FGF12: variants seen among roughly 807,000 people sequenced by gnomAD.
The protein encoded by FGF12 is fibroblast growth factor 12, also known as fibroblast growth factor 12B.
In FGF12, 14 loss-of-function variants were observed where a neutral mutation model predicts 23.6. The observed-to-expected ratio is 0.59, with a 90% confidence interval of 0.39 to 0.93. The LOEUF is 0.93. FGF12 is among the 40% of genes least tolerant of loss of function. The pLI is 0.00. For missense variants in FGF12, 175 were observed against 217.8 expected (o/e 0.80, Z 1.24); for synonymous variants, 62 against 77.3 (o/e 0.80, Z 1.04).
chr3:192,631,648 A>G (rs1715395360), intron 2 of FGF12, among the ~76,000 whole-genome samples: 1 of 152,140 alleles, frequency 6.6e-6, no homozygotes, highest in South Asian at 2.1e-4. Context: ...CTGTGATTTA[A>G]CTTCCTCTCT....
chr3:192,333,104 GA>G (rs1446598873), intron 4 of FGF12, among the ~76,000 whole-genome samples: 2 of 152,054 alleles, frequency 1.3e-5, no homozygotes, highest in Non-Finnish European at 2.9e-5. Flanking sequence ...AAGAAGGACA[GA>G]AGGAATGCAT....
At chr3:192,652,860 C>T (rs984075836) in intron 2 of FGF12, among the ~76,000 whole-genome samples, 1 of 152,144 alleles carries the variant, frequency 6.6e-6, no homozygotes, top group African/African-American at 2.4e-5. Context: ...TTTGTATGCT[C>T]ATGTAAGAGA....
At chr3:192,501,288 T>C (rs1480206826) in intron 2 of FGF12, among the ~76,000 whole-genome samples, 1 of 152,182 alleles carries the variant, frequency 6.6e-6, no homozygotes, top group African/African-American at 2.4e-5. Flanking sequence ...CTTCTTCATT[T>C]AAAAAAACTT....
intron 4 of FGF12, among the ~76,000 whole-genome samples, chr3:192,298,571 G>T (rs1460180104): frequency 1.3e-5 from 2 of 152,106 alleles, no homozygotes; most frequent in African/African-American, 4.8e-5. Flanking sequence ...GGGCCAAAAT[G>T]GTGAAACTCC....
At chr3:192,358,578 A>C (rs1355492656) in intron 3 of FGF12, among the ~76,000 whole-genome samples, 1 of 152,126 alleles carries the variant, frequency 6.6e-6, no homozygotes, top group Non-Finnish European at 1.5e-5. Context: ...GTGGGTGTAG[A>C]TTTACACTAG....
At chr3:192,418,728 T>C (rs1035735167) in intron 2 of FGF12, among the ~76,000 whole-genome samples, 1 of 152,118 alleles carries the variant, frequency 6.6e-6, no homozygotes, top group African/African-American at 2.4e-5. Flanking sequence ...CCCCCCTCAC[T>C]CTCTTGCTCT....
At chr3:192,572,165 CTT>C (rs1459640398) in intron 2 of FGF12, among the ~76,000 whole-genome samples, 1 of 152,170 alleles carries the variant, frequency 6.6e-6, no homozygotes, top group Non-Finnish European at 1.5e-5. Flanking sequence ...TTTCCTTCCT[CTT>C]TGTTTTTTAT....
Position 192,335,472 on chromosome 3 carries a change from G to GA in FGF12, c.125-9dup. ...GAATTAGATTGAAGAGAGCTGGGGG[G>GA]AGAAAAAGAAGGGCGGAAAGGATCA... On this transcript the variant is annotated splice_polypyrimidine_tract_variant and intron_variant, in intron 3 of 5. Coordinates refer to ENST00000445105, the MANE Select transcript of FGF12 (RefSeq NM_004113.6). 6.3e-7 allele frequency: 1 copy of GA among 1,588,266 alleles called. No individual in the cohort carries two copies. The highest frequency in any genetic ancestry group is 8.6e-7 in the Non-Finnish European group (1 of 1,157,570).
intron 2 of FGF12, among the ~76,000 whole-genome samples, chr3:192,621,797 A>G (rs1714986233): frequency 6.6e-6 from 1 of 151,886 alleles, no homozygotes; most frequent in Non-Finnish European, 1.5e-5. Context: ...AAATCTGGAA[A>G]GCTTGGCAAG....
At chr3:192,357,457 A>G (rs1349251123) in intron 3 of FGF12, among the ~76,000 whole-genome samples, 2 of 151,656 alleles carry the variant, frequency 1.3e-5, no homozygotes, top group African/African-American at 4.8e-5. Context: ...ACTCCAGCCT[A>G]GTGACAGAGT....
chr3:192,628,523 A>G (rs77192502), intron 2 of FGF12, among the ~76,000 whole-genome samples: 60 of 88,444 alleles, frequency 6.8e-4, no homozygotes, highest in East Asian at 1.7e-3. Context: ...GTGTGTGTGT[A>G]TATATATATA....
At chr3:192,644,364 T>C (rs1323991014) in intron 2 of FGF12, among the ~76,000 whole-genome samples, 1 of 152,090 alleles carries the variant, frequency 6.6e-6, no homozygotes, top group Non-Finnish European at 1.5e-5. Context: ...CAGCCCTCTC[T>C]CCAGCCACTC....
chr3:192,712,650 C>T (rs952102237), intron 2 of FGF12, among the ~76,000 whole-genome samples: 1 of 151,874 alleles, frequency 6.6e-6, no homozygotes, highest in Non-Finnish European at 1.5e-5. Flanking sequence ...GAATTCTATA[C>T]CTAACCACAC....
At chr3:192,332,821 C>T (rs1279460968) in intron 4 of FGF12, among the ~76,000 whole-genome samples, 1 of 152,108 alleles carries the variant, frequency 6.6e-6, no homozygotes, top group African/African-American at 2.4e-5. Flanking sequence ...TGCCCAACTA[C>T]AGTGTTGCCT....
rs553576081 is a variant in FGF12 at position 192,474,715 on chromosome 3, G to A, written c.14-114177C>T. Among the ~76,000 whole-genome samples, 5 of 152,088 alleles carry A rather than the reference G, an allele frequency of 3.3e-5. No homozygotes were observed. In the South Asian group the frequency reaches 6.2e-4, roughly 19 times the overall value. ...AGCCTGGCCAACATGGTGAAACCCT[G>A]TCTCTACTAAAAACACAAAATTAGC... On this transcript the variant is annotated intron_variant, in intron 2 of 5. Transcript: ENST00000445105.
At chr3:192,186,691 AAAAAT>A (rs1160201652) in intron 4 of FGF12, among the ~76,000 whole-genome samples, 17 of 152,218 alleles carry the variant, frequency 1.1e-4, no homozygotes, top group African/African-American at 4.1e-4. Flanking sequence ...GCTCTTGCAA[AAAAAT>A]AAAATAAAGA....
intron 2 of FGF12, among the ~76,000 whole-genome samples, chr3:192,558,505 C>A (rs1416822759): frequency 6.6e-6 from 1 of 151,720 alleles, no homozygotes; most frequent in Non-Finnish European, 1.5e-5. Flanking sequence ...GTCGAGACCA[C>A]CCAAAGTGAC....
intron 2 of FGF12, among the ~76,000 whole-genome samples, chr3:192,501,234 C>G (rs1333179330): frequency 1.3e-5 from 2 of 152,144 alleles, no homozygotes; most frequent in East Asian, 3.9e-4. Context: ...GAGAATAGAG[C>G]TGGGAAGGGT....
At chr3:192,331,883 A>C (rs2108693776) in intron 4 of FGF12, among the ~76,000 whole-genome samples, 1 of 152,238 alleles carries the variant, frequency 6.6e-6, no homozygotes, top group East Asian at 1.9e-4. Context: ...ATATTGGTCT[A>C]CTCAGAATTG....
Sources: allele counts gnomAD v4.1 joint callset (sites outside exome capture counted in the v4.1 genomes callset), GRCh38; gene constraint gnomAD v4.1.1; transcripts MANE v1.5; gene names NCBI Gene and HGNC (gene_info 2026-07-23, HGNC 2026-07-21).